Variants in KIAA1549L observed in about 807,000 individuals in gnomAD.
The protein encoded by KIAA1549L is UPF0606 protein KIAA1549L.
KIAA1549L carries 88 observed loss-of-function variants against 160.7 expected under a neutral mutation model. That is an observed-to-expected ratio of 0.55 (90% CI 0.46 to 0.65). The LOEUF is 0.65. Among genes scored for constraint, KIAA1549L ranks in the 30% least tolerant of loss-of-function variants. KIAA1549L has a pLI of 0.00. For synonymous variants in KIAA1549L, 950 were observed against 976.7 expected, an observed-to-expected ratio of 0.97 and a Z score of 0.51; for missense variants, 2,258 against 2,437.5, an observed-to-expected ratio of 0.93 and a Z score of 1.55.
At chr11:33,387,953 A>G (rs1338224717) in intron 1 of KIAA1549L, among the ~76,000 whole-genome samples, 2 of 152,224 alleles carry the variant, frequency 1.3e-5, no homozygotes, top group Non-Finnish European at 2.9e-5. Context: ...GTTTGCTGTC[A>G]TAGTTCCAGT....
At position 33,544,272 on chromosome 11, in the gene KIAA1549L, C is replaced by G. The variant is rs1854155046; in HGVS notation, c.2709C>G (p.Thr903=). The change falls in exon 2 of 21, where the codon ACC becomes ACG. Residue 903 remains threonine, a synonymous_variant. Transcript: ENST00000658780. ...YHSAAESSIS[T]SVFPRTSSRV... is the part of the protein sequence containing the mutation. ...CTGCTGCTGAATCTTCTATATCGAC[C>G]AGTGTCTTTCCCAGGACCTCCTCCA... The G allele has an allele frequency of 6.2e-7, 1 of 1,613,868 alleles. No individual in the cohort carries two copies. The highest frequency in any genetic ancestry group is 1.3e-5 in the African/African-American group (1 of 74,924).
intron 1 of KIAA1549L, among the ~76,000 whole-genome samples, chr11:33,462,508 T>C (rs1851960724): frequency 6.6e-6 from 1 of 152,210 alleles, no homozygotes; most frequent in South Asian, 2.1e-4. Context: ...TAATGAGAAT[T>C]ATGTAATTCA....
intron 1 of KIAA1549L, among the ~76,000 whole-genome samples, chr11:33,394,780 A>G (rs1170646708): frequency 6.6e-6 from 1 of 152,232 alleles, no homozygotes; most frequent in Admixed American, 6.5e-5. Flanking sequence ...AGCTCTCTTT[A>G]AAGCAGTGAT....
At chr11:33,652,972 G>A (rs760071739) in intron 17 of KIAA1549L, among the ~76,000 whole-genome samples, 3 of 152,198 alleles carry the variant, frequency 2.0e-5, no homozygotes, top group African/African-American at 4.8e-5. Context: ...TGTGAGATAG[G>A]CCAGTGCCTT....
intron 1 of KIAA1549L, among the ~76,000 whole-genome samples, chr11:33,522,838 G>C (rs574884978): frequency 3.3e-5 from 5 of 151,672 alleles, no homozygotes; most frequent in African/African-American, 1.2e-4. Flanking sequence ...GTTCAAGGCT[G>C]CAATGAGCTA....
At chr11:33,536,666 G>T (rs1853900982) in intron 1 of KIAA1549L, among the ~76,000 whole-genome samples, 2 of 152,166 alleles carry the variant, frequency 1.3e-5, no homozygotes, top group African/African-American at 4.8e-5. Flanking sequence ...ACCTCTTAAT[G>T]GGAGGCATAA....
At chr11:33,422,573 CTCCTTCCTTCCT>C (rs969922124) in intron 1 of KIAA1549L, among the ~76,000 whole-genome samples, 1 of 130,456 alleles carries the variant, frequency 7.7e-6, no homozygotes, top group African/African-American at 2.8e-5. Flanking sequence ...CCCTCCCTCC[CTCCTTCCTTCCT>C]TCCCTCCTTT....
chr11:33,582,854 C>T (rs1855687222), intron 10 of KIAA1549L, among the ~76,000 whole-genome samples: 2 of 152,214 alleles, frequency 1.3e-5, no homozygotes, highest in African/African-American at 2.4e-5. Flanking sequence ...TCCATCTGCT[C>T]ATGTTACATT....
chr11:33,570,736 T>C (rs1855225412), intron 9 of KIAA1549L, among the ~76,000 whole-genome samples: 1 of 152,198 alleles, frequency 6.6e-6, no homozygotes, highest in Non-Finnish European at 1.5e-5. Flanking sequence ...GTTGACATAT[T>C]TGAAAAATTG....
At chr11:33,394,422 CAAACAATAAACAATA>C (rs1565118030) in intron 1 of KIAA1549L, among the ~76,000 whole-genome samples, 1 of 24,646 alleles carries the variant, frequency 4.1e-5, no homozygotes, top group Admixed American at 4.2e-4. Flanking sequence ...AATAAATAAA[CAAACAATAAACAATA>C]AACACTTGTC....
chr11:33,598,971 C>T (rs1176829340), intron 13 of KIAA1549L, 24 bp downstream of exon 13: 1 of 1,611,316 alleles, frequency 6.2e-7, no homozygotes, highest in Non-Finnish European at 8.5e-7. Context: ...CCTCCAAGAA[C>T]CACCCCCAGC....
intron 1 of KIAA1549L, among the ~76,000 whole-genome samples, chr11:33,395,681 T>C (rs1017579967): frequency 6.6e-6 from 1 of 152,134 alleles, no homozygotes; most frequent in Non-Finnish European, 1.5e-5. Flanking sequence ...AAAACAGCTG[T>C]TTTCAACTTC....
intron 6 of KIAA1549L, among the ~76,000 whole-genome samples, chr11:33,552,680 A>G (rs1296725700): frequency 1.4e-5 from 2 of 147,892 alleles, no homozygotes; most frequent in East Asian, 3.9e-4. Flanking sequence ...ACACACACAC[A>G]CACACACACA....
chr11:33,419,114 T>C (rs1452619082), intron 1 of KIAA1549L, among the ~76,000 whole-genome samples: 1 of 152,010 alleles, frequency 6.6e-6, no homozygotes, highest in African/African-American at 2.4e-5. Context: ...CTCAAGTAAT[T>C]CACCTGCCTC....
At chr11:33,464,358 C>A (rs1450638952) in intron 1 of KIAA1549L, among the ~76,000 whole-genome samples, 1 of 152,156 alleles carries the variant, frequency 6.6e-6, no homozygotes, top group Non-Finnish European at 1.5e-5. Flanking sequence ...CTACACTGAG[C>A]CCCTAAGATA....
intron 1 of KIAA1549L, among the ~76,000 whole-genome samples, chr11:33,388,845 A>G (rs1340737275): frequency 6.6e-6 from 1 of 152,144 alleles, no homozygotes. Flanking sequence ...ATTTAAGAAA[A>G]ATCATGGGCC....
chr11:33,547,820 G>T lies in KIAA1549L; in HGVS notation c.3442G>T (p.Ala1148Ser), dbSNP rs776240568. Residue 1148 changes from alanine to serine, a missense_variant, in exon 4 of 21, where the codon GCC becomes TCC. Coordinates refer to ENST00000658780, the MANE Select transcript of KIAA1549L (RefSeq NM_012194.3). ...CAGTGAATCCTTGAAGTTCAGTATC[G>T]CCAAAGGGCTCACACAGGCATTGCG... ...QISESLKFSI[A>S]KGLTQALRKA... is the part of the protein sequence containing the mutation. 6.2e-7 allele frequency: 1 copy of T among 1,613,532 alleles called. No individual in the cohort carries two copies. Among genetic ancestry groups the T allele is most frequent in the Non-Finnish European group, 8.5e-7 (1 of 1,179,704 alleles).
chr11:33,381,978 G>A (rs1850082256), intron 1 of KIAA1549L, among the ~76,000 whole-genome samples: 1 of 152,174 alleles, frequency 6.6e-6, no homozygotes. Context: ...TTCATTTGGG[G>A]GTATGTAAAG....
intron 17 of KIAA1549L, among the ~76,000 whole-genome samples, chr11:33,646,382 A>G (rs1851724555): frequency 6.6e-6 from 1 of 152,230 alleles, no homozygotes; most frequent in South Asian, 2.1e-4. Flanking sequence ...ATCAAAAGGC[A>G]TCTCAGAGCC....
Sources: allele counts gnomAD v4.1 joint callset (sites outside exome capture counted in the v4.1 genomes callset), GRCh38; gene constraint gnomAD v4.1.1; transcripts MANE v1.5; gene names NCBI Gene and HGNC (gene_info 2026-07-23, HGNC 2026-07-21).